Variants in AIG1 observed in about 807,000 individuals in gnomAD.
The protein encoded by AIG1 is androgen induced 1.
Under a neutral mutation model 31.4 loss-of-function variants are expected in AIG1, and 23 were observed. That is an observed-to-expected ratio of 0.73 (90% CI 0.53 to 1.04). AIG1 has a LOEUF of 1.04. Among genes scored for constraint, AIG1 ranks in the 50% least tolerant of loss-of-function variants. The pLI, the probability that AIG1 is intolerant of heterozygous loss-of-function variation, is 0.00. For synonymous variants in AIG1, 100 were observed against 110.5 expected, an observed-to-expected ratio of 0.90 and a Z score of 0.60; for missense variants, 274 against 295.0, an observed-to-expected ratio of 0.93 and a Z score of 0.52.
chr6:143,151,426 C>T (rs1445921369), intron 2 of AIG1, among the ~76,000 whole-genome samples: 2 of 152,116 alleles, frequency 1.3e-5, no homozygotes, highest in East Asian at 1.9e-4. Flanking sequence ...AGTTCTTTTC[C>T]CATTGCAAAT....
In AIG1 at chr6:143,284,477, CTT is replaced by C. The variant is rs1036173772; in HGVS notation, c.515+256_515+257del. Among the ~76,000 whole-genome samples, 26 of 152,194 alleles carry C rather than the reference CTT, an allele frequency of 1.7e-4. No individual in the cohort carries two copies. Among genetic ancestry groups the C allele is most frequent in the Non-Finnish European group, 3.4e-4 (23 of 67,998 alleles). ...TCTTCCAAGGCTACATTTTTCAACT[CTT>C]TTTCAAACTAAATGTTTTTGTTGGA... On this transcript the variant is annotated intron_variant, in intron 4 of 5. Coordinates refer to ENST00000357847, the MANE Select transcript of AIG1 (RefSeq NM_016108.4). This position sits in a 1 kb window ranked among gnomAD's most constrained non-coding sequence, Gnocchi z 4.4.
chr6:143,309,160 G>A lies in AIG1; in HGVS notation c.516-24122G>A, dbSNP rs141528188. 1.5e-4 allele frequency among the ~76,000 whole-genome samples: 23 copies of A among 152,026 alleles called. No homozygotes were observed. In the East Asian group the frequency reaches 1.5e-3, roughly 10 times the overall value. On this transcript the variant is annotated intron_variant, in intron 4 of 5. Transcript: ENST00000357847. ...TATTGAGTATTGAAAGACAAAAGCCGTCAACCTAGAATTCTATATCTAGGG... is the reference window on the plus strand; with the variant it reads ...TATTGAGTATTGAAAGACAAAAGCCATCAACCTAGAATTCTATATCTAGGG...
rs1798674968 is a variant in AIG1, at chr6:143,299,431, G to A, written c.515+15206G>A. 1.3e-5 allele frequency: 2 copies of A among 152,272 alleles called. No homozygotes were observed. Among genetic ancestry groups the A allele is most frequent in the East Asian group, 3.9e-4 (2 of 5,184 alleles). The allele number at this position is 152,272 out of a possible 1,614,324, so 9.4% of individuals were successfully genotyped here. A position where few individuals can be genotyped will look rare whatever the true frequency, so the allele number is the denominator to read the frequency against. ...GTCTACCAGCAGTATATGACCAGAA[G>A]CATTACAGGAACAGCATGGCTGGAA... On this transcript the variant is annotated intron_variant, in intron 4 of 5. Coordinates refer to ENST00000357847, the MANE Select transcript of AIG1 (RefSeq NM_016108.4). The surrounding 1 kb of genome is among the most constrained non-coding windows in gnomAD (Gnocchi z 4.1).
intron 1 of AIG1, among the ~76,000 whole-genome samples, chr6:143,085,006 C>T (rs1437574258): frequency 1.3e-5 from 2 of 152,196 alleles, no homozygotes; most frequent in Non-Finnish European, 2.9e-5. Flanking sequence ...TGGCACTTCT[C>T]TCATTTGGGG....
At chr6:143,178,880 G>A (rs1788452140) in intron 3 of AIG1, among the ~76,000 whole-genome samples, 2 of 152,172 alleles carry the variant, frequency 1.3e-5, no homozygotes, top group Admixed American at 6.5e-5. Flanking sequence ...TATGGCCCCA[G>A]AAATCACACT....
chr6:143,064,985 T>A (rs1209713133), intron 1 of AIG1, among the ~76,000 whole-genome samples: 1 of 152,212 alleles, frequency 6.6e-6, no homozygotes, highest in Non-Finnish European at 1.5e-5. Context: ...AAAAGGTGGT[T>A]ATTTATTGTT....
chr6:143,135,631 G>A (rs1335605826), intron 1 of AIG1, among the ~76,000 whole-genome samples: 3 of 152,134 alleles, frequency 2.0e-5, no homozygotes, highest in Admixed American at 2.0e-4. Flanking sequence ...ATAATAGTAA[G>A]ATTTGATGAA....
chr6:143,337,266 A>G (rs1035022890), intron 5 of AIG1, among the ~76,000 whole-genome samples: 1 of 152,176 alleles, frequency 6.6e-6, no homozygotes, highest in Non-Finnish European at 1.5e-5. Context: ...TTGGCCTCCC[A>G]TGCAAGTCAT....
At chr6:143,250,975 A>G (rs1193460181) in intron 3 of AIG1, among the ~76,000 whole-genome samples, 1 of 152,158 alleles carries the variant, frequency 6.6e-6, no homozygotes, top group Non-Finnish European at 1.5e-5. Flanking sequence ...CTCCCCCTGG[A>G]GACTTCGGAG....
chr6:143,227,581 A>G (rs926730077), intron 3 of AIG1, among the ~76,000 whole-genome samples: 13 of 152,234 alleles, frequency 8.5e-5, no homozygotes, highest in African/African-American at 3.1e-4. Context: ...ATAACCTTGC[A>G]GAGTCTTATC....
Position 143,288,501 on chromosome 6 carries a change from G to A in AIG1, c.515+4276G>A, listed in dbSNP as rs9484719. ...ATATTCCTTGTCAACTGCTGTGAGT[G>A]TATTTAAAGCAAAATAGAGATGTCT... On this transcript the variant is annotated intron_variant, in intron 4 of 5. Coordinates refer to ENST00000357847, the MANE Select transcript of AIG1 (RefSeq NM_016108.4). This position sits in a 1 kb window ranked among gnomAD's most constrained non-coding sequence, Gnocchi z 4.4. Among the ~76,000 whole-genome samples the A allele has an allele frequency of 0.08, 12,173 of 152,188 alleles. 795 individuals carry two copies. The highest frequency in any genetic ancestry group is 0.34 in the East Asian group (1,741 of 5,162).
In AIG1 at chr6:143,284,275, C is replaced by A; in HGVS notation, c.515+50C>A. ...TCTTATTGTATTAGATTTTGCACTG[C>A]TAAATTTGGGCACATATTTCATTAT... is the stretch of plus-strand genomic sequence containing the variant. On this transcript the variant is annotated intron_variant, in intron 4 of 5. Transcript: ENST00000357847. This position sits in a 1 kb window ranked among gnomAD's most constrained non-coding sequence, Gnocchi z 4.4. 1 of 1,369,230 alleles carries A rather than the reference C, an allele frequency of 7.3e-7. No homozygotes were observed. The highest frequency in any genetic ancestry group is 1.4e-5 in the African/African-American group (1 of 69,848). The allele number at this position is 1,369,230 out of a possible 1,614,324, so 84.8% of individuals were successfully genotyped here. A position where few individuals can be genotyped will look rare whatever the true frequency, so the allele number is the denominator to read the frequency against.
At chr6:143,301,277 G>A (rs1041420999) in intron 4 of AIG1, among the ~76,000 whole-genome samples, 2 of 152,194 alleles carry the variant, frequency 1.3e-5, no homozygotes, top group Non-Finnish European at 2.9e-5. Context: ...GAAGCTTTAT[G>A]CCTAACATTG....
Position 143,333,275 on chromosome 6 carries a change from T to G in AIG1, c.516-7T>G. The G allele has an allele frequency of 6.2e-7, 1 of 1,601,370 alleles. No homozygotes were observed. The highest frequency in any genetic ancestry group is 8.5e-7 in the Non-Finnish European group (1 of 1,174,672). On this transcript the variant is annotated splice_region_variant and splice_polypyrimidine_tract_variant and intron_variant, in intron 4 of 5. Transcript: ENST00000357847. This position sits in a 1 kb window ranked among gnomAD's most constrained non-coding sequence, Gnocchi z 4.6. The stretch of plus-strand genomic sequence containing the variant: ...CTGTCCTTGTCTCCTTTCCGATTCT[T>G]TTGCAGGGTGTGCTGGGTGCATCAT...
intron 1 of AIG1, among the ~76,000 whole-genome samples, chr6:143,130,384 A>C (rs890284908): frequency 6.6e-6 from 1 of 152,020 alleles, no homozygotes; most frequent in Non-Finnish European, 1.5e-5. Context: ...AGTGTTCCCT[A>C]CTGTATGCTT....
chr6:143,335,508 G>A (rs1332617730), intron 5 of AIG1: 1 of 140,524 alleles, frequency 7.1e-6, no homozygotes, highest in Non-Finnish European at 1.5e-5. Context: ...CCCCAGCCTG[G>A]CAACAGAACA....
At chr6:143,149,668 T>C (rs1172718497) in intron 2 of AIG1, among the ~76,000 whole-genome samples, 1 of 152,214 alleles carries the variant, frequency 6.6e-6, no homozygotes, top group Admixed American at 6.5e-5. Context: ...TTGTTTCCCT[T>C]TGATACACTG....
intron 3 of AIG1, among the ~76,000 whole-genome samples, chr6:143,170,397 A>C (rs1005066605): frequency 6.6e-6 from 1 of 152,010 alleles, no homozygotes; most frequent in Non-Finnish European, 1.5e-5. Context: ...ATAATCTGTT[A>C]TGATCCTTTG....
chr6:143,177,229 GT>G (rs1788256429), intron 3 of AIG1, among the ~76,000 whole-genome samples: 1 of 152,066 alleles, frequency 6.6e-6, no homozygotes, highest in African/African-American at 2.4e-5. Flanking sequence ...ATCTATTTGT[GT>G]TCTCTCGTAT....
Sources: allele counts gnomAD v4.1 joint callset (sites outside exome capture counted in the v4.1 genomes callset), GRCh38; gene constraint gnomAD v4.1.1; non-coding constraint Gnocchi (gnomAD v3.1); transcripts MANE v1.5; gene names NCBI Gene and HGNC (gene_info 2026-07-23, HGNC 2026-07-21).